The following TMEM255B variants were observed in gnomAD, a reference collection of about 807,000 sequenced individuals.
TMEM255B encodes family with sequence similarity 70, member B.
TMEM255B carries 35 observed loss-of-function variants against 34.5 expected under a neutral mutation model. That is an observed-to-expected ratio of 1.01 (90% CI 0.77 to 1.34). The LOEUF (loss-of-function observed/expected upper bound fraction) is 1.34, where lower values mean the gene tolerates loss of function less well. Ranked by LOEUF, TMEM255B falls within the 40% of genes most tolerant of loss-of-function variation. The probability of loss-of-function intolerance (pLI) is 0.00; values close to 1 mark genes in which losing one functional copy is unlikely to be tolerated. For missense variants in TMEM255B, 432 were observed against 433.2 expected (o/e 1.00, Z 0.02); for synonymous variants, 206 against 201.2 (o/e 1.02, Z -0.20).
At chr13:113,811,635 G>T in intron 8 of TMEM255B, 101 bp from the exon 9 acceptor site, 2 of 1,411,686 alleles carry the variant, frequency 1.4e-6, no homozygotes, top group South Asian at 2.6e-5. Context: ...GGCGGGGTGG[G>T]TGGGGAGCGT....
At chr13:113,807,380 G>GA (rs1303767398) in intron 8 of TMEM255B, among the ~76,000 whole-genome samples, 7 of 146,250 alleles carry the variant, frequency 4.8e-5, no homozygotes, top group East Asian at 2.0e-4. Flanking sequence ...ACGGGATGTG[G>GA]GGGTGGTCCT....
chr13:113,787,302 T>G (rs973073300), intron 3 of TMEM255B, among the ~76,000 whole-genome samples: 1 of 152,228 alleles, frequency 6.6e-6, no homozygotes, highest in African/African-American at 2.4e-5. Context: ...TTGAAAAACA[T>G]GTATTCTAGA....
intron 3 of TMEM255B, among the ~76,000 whole-genome samples, chr13:113,781,319 C>T (rs1444721054): frequency 6.6e-6 from 1 of 152,214 alleles, no homozygotes; most frequent in Non-Finnish European, 1.5e-5. Context: ...ATTTCCTTTA[C>T]AATCAACCAT....
chr13:113,809,411 T>C (rs1369045316), intron 8 of TMEM255B, among the ~76,000 whole-genome samples: 4 of 128,038 alleles, frequency 3.1e-5, no homozygotes, highest in Non-Finnish European at 4.8e-5. Flanking sequence ...CCTGGATGTT[T>C]ACTCCATGGT....
intron 8 of TMEM255B, among the ~76,000 whole-genome samples, chr13:113,808,433 T>TC (rs1417908517): frequency 3.3e-4 from 50 of 152,298 alleles, no homozygotes; most frequent in African/African-American, 1.2e-3. Flanking sequence ...GGGGGCCCTG[T>TC]CATTCAGTGG....
chr13:113,769,190 A>C lies in TMEM255B; in HGVS notation c.252+30A>C. The C allele has an allele frequency of 6.2e-7, 1 of 1,612,024 alleles. No individual in the cohort carries two copies. The highest frequency in any genetic ancestry group is 8.5e-7 in the Non-Finnish European group (1 of 1,178,162). ...GAAAGTACATGGGGTGGTGGGGAGC[A>C]TGAGTCCCTCATCAGGGGATGGTAC... is the stretch of plus-strand genomic sequence containing the variant. On this transcript the variant is annotated intron_variant, in intron 3 of 8. Coordinates refer to ENST00000375353, the MANE Select transcript of TMEM255B (RefSeq NM_182614.4). The surrounding 1 kb of genome is among the most constrained non-coding windows in gnomAD (Gnocchi z 4.2).
At chr13:113,801,576 G>T in intron 6 of TMEM255B, 77 bp from the exon 7 acceptor site, 1 of 1,488,750 alleles carries the variant, frequency 6.7e-7, no homozygotes, top group Non-Finnish European at 9.0e-7. Flanking sequence ...GCAGGGCTCA[G>T]GTCCAGAGGA....
chr13:113,776,089 C>T (rs1399308784), intron 3 of TMEM255B, among the ~76,000 whole-genome samples: 1 of 152,240 alleles, frequency 6.6e-6, no homozygotes, highest in African/African-American at 2.4e-5. Context: ...CCTCAGGCCA[C>T]ACCTGCAGGG....
intron 4 of TMEM255B, among the ~76,000 whole-genome samples, chr13:113,797,487 G>C (rs1268555357): frequency 6.6e-6 from 1 of 152,202 alleles, no homozygotes; most frequent in African/African-American, 2.4e-5. Flanking sequence ...AGGAGCCTCT[G>C]TCCGTGGGGT....
chr13:113,774,880 CCA>C (rs1165138563), intron 3 of TMEM255B, among the ~76,000 whole-genome samples: 2 of 150,396 alleles, frequency 1.3e-5, no homozygotes, highest in Admixed American at 6.6e-5. Context: ...ACAACGCACA[CCA>C]CACACAAGAC....
chr13:113,799,290 C>G, intron 4 of TMEM255B, 49 bp from the exon 5 acceptor site: 1 of 1,591,724 alleles, frequency 6.3e-7, no homozygotes, highest in Non-Finnish European at 8.6e-7. Flanking sequence ...TGGCCTCTCC[C>G]GCCTGGAGGC....
At position 113,806,905 on chromosome 13, in the gene TMEM255B, C is replaced by A. The variant is rs1442906901; in HGVS notation, c.813+1877C>A. Among the ~76,000 whole-genome samples the A allele has an allele frequency of 6.6e-6, 1 of 152,222 alleles. No homozygotes were observed. The highest frequency in any genetic ancestry group is 1.5e-5 in the Non-Finnish European group (1 of 68,028). On this transcript the variant is annotated intron_variant, in intron 8 of 8. Transcript: ENST00000375353. This position sits in a 1 kb window ranked among gnomAD's most constrained non-coding sequence, Gnocchi z 4.2. ...TGCTCCCCAAGCGGCTCTACACAGA[C>A]ACAGACTTGGAATCGCATGGGTGCC...
intron 3 of TMEM255B, among the ~76,000 whole-genome samples, chr13:113,782,512 AAAACGGTCTGAAC>A (rs1399613452): frequency 6.6e-6 from 1 of 152,270 alleles, no homozygotes; most frequent in Non-Finnish European, 1.5e-5. Context: ...TGAGACAGTG[AAAACGGTCTGAAC>A]TGACTCCATC....
At position 113,806,566 on chromosome 13, in the gene TMEM255B, G is replaced by A. The variant is rs1266047709; in HGVS notation, c.813+1538G>A. 1.3e-5 allele frequency among the ~76,000 whole-genome samples: 2 copies of A among 152,198 alleles called. No homozygotes were observed. The highest frequency in any genetic ancestry group is 2.9e-5 in the Non-Finnish European group (2 of 68,030). The stretch of plus-strand genomic sequence containing the variant: ...CATCTTTTCCATTTCTGTGACGGGG[G>A]AAGATGTGGTCCCCAGGGTCAGATG... On this transcript the variant is annotated intron_variant, in intron 8 of 8. Coordinates refer to ENST00000375353, the MANE Select transcript of TMEM255B (RefSeq NM_182614.4). The surrounding 1 kb of genome is among the most constrained non-coding windows in gnomAD (Gnocchi z 4.2).
Position 113,801,695 on chromosome 13 carries a change from C to A in TMEM255B, c.552C>A (p.Ser184Arg). 1 of 1,611,288 alleles carries A rather than the reference C, an allele frequency of 6.2e-7. No individual in the cohort carries two copies. Among genetic ancestry groups the A allele is most frequent in the South Asian group, 1.1e-5 (1 of 90,872 alleles). ...CCTACTATGAGTTCATCGGCGTCAG[C>A]GGCTGCCAGGACGTGCTGCACCTGT... ...SPAYYEFIGV[S>R]GCQDVLHLYR... The change falls in exon 7 of 9, where the codon AGC becomes AGA. Residue 184 changes from serine to arginine, a missense_variant. Transcript: ENST00000375353.
At chr13:113,768,628 A>G (rs2050429610) in intron 2 of TMEM255B, among the ~76,000 whole-genome samples, 1 of 152,146 alleles carries the variant, frequency 6.6e-6, no homozygotes, top group Admixed American at 6.5e-5. Context: ...AGCAGCAACC[A>G]GAGTTAGGCC....
intron 3 of TMEM255B, among the ~76,000 whole-genome samples, chr13:113,773,365 G>A (rs961098606): frequency 3.9e-5 from 6 of 152,190 alleles, no homozygotes; most frequent in Non-Finnish European, 7.3e-5. Flanking sequence ...TTAATCTACT[G>A]GAGCATGTCA....
Position 113,770,243 on chromosome 13 carries a change from A to G in TMEM255B, c.252+1083A>G, listed in dbSNP as rs1013438852. Among the ~76,000 whole-genome samples, 1 of 152,206 alleles carries G rather than the reference A, an allele frequency of 6.6e-6. No individual in the cohort carries two copies. The highest frequency in any genetic ancestry group is 2.1e-4 in the South Asian group (1 of 4,834). ...CAGCAGGCAAAGACAGAGCCTGTGC[A>G]GGGAAACTCCCCCTTGTAATAACCA... On this transcript the variant is annotated intron_variant, in intron 3 of 8. Coordinates refer to ENST00000375353, the MANE Select transcript of TMEM255B (RefSeq NM_182614.4). The surrounding 1 kb of genome is among the most constrained non-coding windows in gnomAD (Gnocchi z 4.6).
chr13:113,784,537 GGAAGAA>G (rs375842735), intron 3 of TMEM255B, among the ~76,000 whole-genome samples: 6 of 151,580 alleles, frequency 4.0e-5, no homozygotes, highest in South Asian at 4.2e-4. Flanking sequence ...GATATGAAGA[GGAAGAA>G]GAAGAAGAAG....
Sources: gnomAD v4.1 joint callset for allele counts (sites outside exome capture counted in the v4.1 genomes callset) on GRCh38, gnomAD v4.1.1 for gene constraint, Gnocchi (gnomAD v3.1) non-coding constraint, MANE v1.5 for transcripts, NCBI Gene and HGNC (gene_info 2026-07-23, HGNC 2026-07-21) for gene names.